The following LMF1 variants were observed in gnomAD, a reference collection of about 807,000 sequenced individuals.
The protein encoded by LMF1 is lipase maturation factor 1.
A neutral mutation model predicts 60.6 loss-of-function variants in LMF1; 68 were observed. That is an observed-to-expected ratio of 1.12 (90% CI 0.92 to 1.37). The LOEUF is 1.37. Among genes scored for constraint, LMF1 ranks in the 40% most tolerant of loss-of-function variants. The pLI, the probability that LMF1 is intolerant of heterozygous loss-of-function variation, is 0.00. For missense variants in LMF1, 948 were observed against 767.2 expected (o/e 1.24, Z -2.78); for synonymous variants, 418 against 324.7 (o/e 1.29, Z -3.09).
Position 962,258 on chromosome 16 carries a change from G to C in LMF1, c.194-7592C>G, listed in dbSNP as rs141267389. On this transcript the variant is annotated intron_variant, in intron 1 of 10. Coordinates refer to ENST00000262301, the MANE Select transcript of LMF1 (RefSeq NM_022773.4). The surrounding 1 kb of genome is among the most constrained non-coding windows in gnomAD (Gnocchi z 4.5). ...CACGACCCAGACACAGACTCACGGT[G>C]ACAGCACGGGATCACGACCCAGAGG... 0.054 allele frequency among the ~76,000 whole-genome samples: 8,141 copies of C among 149,488 alleles called. 271 individuals are homozygous for C. The highest frequency in any genetic ancestry group is 0.079 in the Non-Finnish European group (5,225 of 66,516).
chr16:977,030 C>G, intron 1 of LMF1: 1 of 454,206 alleles, frequency 2.2e-6, no homozygotes, highest in Non-Finnish European at 4.4e-6. Flanking sequence ...GACGTCTGGG[C>G]TGCAGGCAGA....
chr16:870,274 A>C (rs2069743303), intron 8 of LMF1, among the ~76,000 whole-genome samples: 1 of 152,158 alleles, frequency 6.6e-6, no homozygotes, highest in Admixed American at 6.5e-5. Flanking sequence ...TCATTCGAGA[A>C]CACCTTCTCT....
chr16:917,331 T>C (rs76147432), intron 3 of LMF1, among the ~76,000 whole-genome samples: 22,245 of 73,162 alleles, frequency 0.3, 3,001 homozygotes, highest in African/African-American at 0.39. Flanking sequence ...AAATGCCACA[T>C]GTGTGCACTG....
chr16:977,590 G>A (rs1270659551), intron 1 of LMF1, among the ~76,000 whole-genome samples: 2 of 152,150 alleles, frequency 1.3e-5, no homozygotes, highest in Non-Finnish European at 2.9e-5. Flanking sequence ...GGCTGCCAGC[G>A]GGTTCACGCC....
intron 10 of LMF1, among the ~76,000 whole-genome samples, chr16:856,849 G>A (rs1376430883): frequency 6.6e-6 from 1 of 152,206 alleles, no homozygotes. Context: ...AGACCCTACT[G>A]GCAACAGCTG....
At chr16:914,916 A>G (rs1347418780) in intron 3 of LMF1, among the ~76,000 whole-genome samples, 1 of 151,982 alleles carries the variant, frequency 6.6e-6, no homozygotes, top group Non-Finnish European at 1.5e-5. Flanking sequence ...TCCGAGTGCT[A>G]ATCAGTAATG....
chr16:944,831 C>A (rs756889230), intron 2 of LMF1, among the ~76,000 whole-genome samples: 31 of 152,296 alleles, frequency 2.0e-4, no homozygotes, highest in Non-Finnish European at 3.4e-4. Flanking sequence ...CATCTCGTCT[C>A]AATTGTCATC....
At chr16:864,060 C>A (rs564796699) in intron 10 of LMF1, among the ~76,000 whole-genome samples, 49 of 152,228 alleles carry the variant, frequency 3.2e-4, no homozygotes, top group Non-Finnish European at 1.8e-4. Flanking sequence ...AACATCCAGC[C>A]GTAATTGTTG....
chr16:913,187 A>T (rs1000591814), intron 3 of LMF1, among the ~76,000 whole-genome samples: 2 of 152,078 alleles, frequency 1.3e-5, no homozygotes, highest in African/African-American at 4.8e-5. Flanking sequence ...CGGCTCCGGG[A>T]GGGCCCCTGC....
intron 10 of LMF1, among the ~76,000 whole-genome samples, chr16:868,177 C>G (rs556652802): frequency 1.3e-5 from 2 of 152,222 alleles, no homozygotes; most frequent in African/African-American, 4.8e-5. Flanking sequence ...ACGTGGACGT[C>G]TCCAATCCTC....
In LMF1 at chr16:954,667, C is replaced by G; in HGVS notation, c.194-1G>C. ...TGGAAAGCCACCAGGAATGCCACGACTGGAAGAAAAAGAAGACAAAACAAG... is the reference window on the plus strand; with the variant it reads ...TGGAAAGCCACCAGGAATGCCACGAGTGGAAGAAAAAGAAGACAAAACAAG... On this transcript the variant is annotated splice_acceptor_variant, in intron 1 of 10. Transcript: ENST00000262301. LOFTEE classifies it high-confidence loss of function. 1 of 1,583,826 alleles carries G rather than the reference C, an allele frequency of 6.3e-7. No homozygotes were observed. Among genetic ancestry groups the G allele is most frequent in the South Asian group, 1.1e-5 (1 of 87,092 alleles).
rs113040688 is a variant in LMF1, at chr16:883,890, T to C, written c.730-4153A>G. ...TCACAAACTGCCTATAAATGTTAAT[T>C]AGATCATGTTGGTTAGTAGTGTTTT... is the stretch of plus-strand genomic sequence containing the variant. On this transcript the variant is annotated intron_variant, in intron 5 of 10. Coordinates refer to ENST00000262301, the MANE Select transcript of LMF1 (RefSeq NM_022773.4). 3.3e-4 allele frequency: 50 copies of C among 152,350 alleles called. 1 individual carries two copies. Among genetic ancestry groups the C allele is most frequent in the African/African-American group, 1.1e-3 (45 of 41,586 alleles). 9.4% of individuals were successfully genotyped at this position (152,350 alleles called of 1,614,324 possible). A position where few individuals can be genotyped will look rare whatever the true frequency, so the allele number is the denominator to read the frequency against.
intron 2 of LMF1, among the ~76,000 whole-genome samples, chr16:939,760 T>A (rs985983118): frequency 6.6e-6 from 1 of 152,178 alleles, no homozygotes; most frequent in Non-Finnish European, 1.5e-5. Flanking sequence ...AATATTGTCA[T>A]AAGGACCAGG....
intron 3 of LMF1, among the ~76,000 whole-genome samples, chr16:919,245 G>A (rs1437879549): frequency 6.6e-6 from 1 of 152,124 alleles, no homozygotes; most frequent in Non-Finnish European, 1.5e-5. Context: ...CACGTGGAGG[G>A]TGGTGTGTCC....
intron 10 of LMF1, among the ~76,000 whole-genome samples, chr16:860,036 C>G (rs190569657): frequency 6.6e-6 from 1 of 151,722 alleles, no homozygotes; most frequent in East Asian, 1.9e-4. Flanking sequence ...CTGAGCTTAT[C>G]TGTCATCTGT....
chr16:948,001 CAG>C (rs1597051717), intron 2 of LMF1, among the ~76,000 whole-genome samples: 1 of 150,918 alleles, frequency 6.6e-6, no homozygotes, highest in Non-Finnish European at 1.5e-5. Flanking sequence ...GAGCCAACGA[CAG>C]AGTCAGCCAA....
chr16:969,218 G>C (rs947535130), intron 1 of LMF1, among the ~76,000 whole-genome samples: 1 of 152,206 alleles, frequency 6.6e-6, no homozygotes, highest in Non-Finnish European at 1.5e-5. Context: ...GGAAGGCTGA[G>C]GCAGGAGAAT....
At chr16:867,150 G>C (rs770870761) in intron 10 of LMF1, among the ~76,000 whole-genome samples, 1 of 152,226 alleles carries the variant, frequency 6.6e-6, no homozygotes, top group Non-Finnish European at 1.5e-5. Context: ...GAGATGTGCC[G>C]TGTGGCAGTG....
intron 1 of LMF1, among the ~76,000 whole-genome samples, chr16:955,832 C>T (rs1164820620): frequency 1.3e-5 from 2 of 152,254 alleles, no homozygotes; most frequent in East Asian, 1.9e-4. Context: ...CTCTGGTCAA[C>T]GGCATCACTC....
Sources: gnomAD v4.1 joint callset for allele counts (sites outside exome capture counted in the v4.1 genomes callset) on GRCh38, gnomAD v4.1.1 for gene constraint, Gnocchi (gnomAD v3.1) non-coding constraint, MANE v1.5 for transcripts, NCBI Gene and HGNC (gene_info 2026-07-23, HGNC 2026-07-21) for gene names.